The following L3MBTL3 variants were observed in gnomAD, a reference collection of about 807,000 sequenced individuals.
The protein encoded by L3MBTL3 is L3MBTL histone methyl-lysine binding protein 3, also known as lethal(3)malignant brain tumor-like protein 3.
L3MBTL3 carries 27 observed loss-of-function variants against 102.3 expected under a neutral mutation model. That is an observed-to-expected ratio of 0.26 (90% CI 0.19 to 0.36). The LOEUF (loss-of-function observed/expected upper bound fraction) is 0.36, where lower values mean the gene tolerates loss of function less well. L3MBTL3 is among the 10% of genes least tolerant of loss of function. The pLI is 1.00. For synonymous variants in L3MBTL3, 340 were observed against 320.9 expected (o/e 1.06, Z -0.64); for missense variants, 798 against 955.3 (o/e 0.84, Z 2.17).
intron 20 of L3MBTL3, among the ~76,000 whole-genome samples, chr6:130,124,398 A>G (rs1017469403): frequency 5.3e-5 from 8 of 152,154 alleles, no homozygotes; most frequent in African/African-American, 1.7e-4. Flanking sequence ...AAAACAAAAG[A>G]AACAAACCAA....
intron 22 of L3MBTL3, chr6:130,138,465 C>G (rs932383149): frequency 6.6e-6 from 1 of 152,230 alleles, no homozygotes; most frequent in African/African-American, 2.4e-5. Flanking sequence ...TGCCTTCCCT[C>G]TATATGTGTC....
rs1344910079 is a variant in L3MBTL3 at position 130,028,231 on chromosome 6, A to G, written c.-16+5926A>G. Among the ~76,000 whole-genome samples the G allele has an allele frequency of 3.9e-5, 6 of 152,300 alleles. No individual in the cohort carries two copies. In the East Asian group the frequency reaches 1.2e-3, roughly 29 times the overall value. Reference sequence around the variant, plus strand: ...TTTGTAAAGGTTACCTTTGGTGACTACCCTTTCTTTGCACATGATCTCCAT... The same window carrying G: ...TTTGTAAAGGTTACCTTTGGTGACTGCCCTTTCTTTGCACATGATCTCCAT... On this transcript the variant is annotated intron_variant, in intron 2 of 22. Transcript: ENST00000361794.
intron 8 of L3MBTL3, 95 bp downstream of exon 8, chr6:130,055,350 C>T (rs960538733): frequency 1.2e-6 from 1 of 846,508 alleles, no homozygotes; most frequent in Non-Finnish European, 1.9e-6. Context: ...TAAAGTATTA[C>T]TTCAGGATTT....
At chr6:130,129,593 G>A (rs1303921966) in intron 20 of L3MBTL3, among the ~76,000 whole-genome samples, 2 of 152,192 alleles carry the variant, frequency 1.3e-5, no homozygotes, top group Non-Finnish European at 2.9e-5. Flanking sequence ...AGTGGGGCAA[G>A]TGAGAAAAGA....
chr6:130,031,815 A>G (rs1026166867), intron 2 of L3MBTL3, among the ~76,000 whole-genome samples: 6 of 152,090 alleles, frequency 3.9e-5, no homozygotes, highest in Non-Finnish European at 8.8e-5. Context: ...TGTAAATATG[A>G]GGAATTATTA....
chr6:130,044,435 A>C lies in L3MBTL3; in HGVS notation c.102+1634A>C, dbSNP rs568651677. Among the ~76,000 whole-genome samples, 9 of 152,188 alleles carry C rather than the reference A, an allele frequency of 5.9e-5. No individual in the cohort carries two copies. In the East Asian group the frequency reaches 9.7e-4, roughly 16 times the overall value. On this transcript the variant is annotated intron_variant, in intron 3 of 22. Transcript: ENST00000361794. The stretch of plus-strand genomic sequence containing the variant: ...TGTCACGTGGATGATGAAATTTGTA[A>C]ATTTTTTTCAGTTAGCTTTTAACAA...
chr6:130,033,340 T>A (rs1034413092), intron 2 of L3MBTL3, among the ~76,000 whole-genome samples: 3 of 152,118 alleles, frequency 2.0e-5, no homozygotes, highest in African/African-American at 7.2e-5. Context: ...GCACCAAGTT[T>A]GACAGTTAAC....
At chr6:130,118,569 C>T (rs1031473199) in intron 19 of L3MBTL3, among the ~76,000 whole-genome samples, 6 of 152,272 alleles carry the variant, frequency 3.9e-5, no homozygotes, top group Admixed American at 2.0e-4. Context: ...GGGGTATAGG[C>T]GCTTTTAATT....
chr6:130,063,277 A>G (rs1269150510), intron 10 of L3MBTL3, among the ~76,000 whole-genome samples: 3 of 152,152 alleles, frequency 2.0e-5, no homozygotes, highest in Non-Finnish European at 4.4e-5. Context: ...TTGGGTTAGA[A>G]GGCAAATTAC....
chr6:130,078,680 A>C (rs777334924), intron 14 of L3MBTL3, 46 bp downstream of exon 14: 14 of 1,305,566 alleles, frequency 1.1e-5, no homozygotes, highest in Non-Finnish European at 1.5e-5. Context: ...AGACTTCAAG[A>C]GTAGGCAGAC....
chr6:130,092,899 C>T (rs1337633502), intron 17 of L3MBTL3, 40 bp downstream of exon 17: 1 of 1,191,892 alleles, frequency 8.4e-7, no homozygotes, highest in African/African-American at 1.5e-5. Flanking sequence ...TTTCCATTTC[C>T]ATATGTAGCA....
Position 130,024,411 on chromosome 6 carries a change from C to G in L3MBTL3, c.-16+2106C>G, listed in dbSNP as rs139302058. 4.6e-5 allele frequency among the ~76,000 whole-genome samples: 7 copies of G among 152,278 alleles called. No individual in the cohort carries two copies. In the East Asian group the frequency reaches 1.3e-3, roughly 29 times the overall value. ...GTTTTAGTTTTACTTCATCTCCACT[C>G]TTTGGAGATTATCCAATCAATGTTC... On this transcript the variant is annotated intron_variant, in intron 2 of 22. Transcript: ENST00000361794.
chr6:130,032,945 A>G (rs561386447), intron 2 of L3MBTL3, among the ~76,000 whole-genome samples: 28 of 152,322 alleles, frequency 1.8e-4, no homozygotes, highest in African/African-American at 6.5e-4. Context: ...GTGATCCATG[A>G]TTGCACCACT....
chr6:130,055,353 C>T, intron 8 of L3MBTL3, 98 bp downstream of exon 8: 2 of 829,072 alleles, frequency 2.4e-6, no homozygotes, highest in Non-Finnish European at 3.8e-6. Context: ...AGTATTACTT[C>T]AGGATTTTCT....
At position 130,141,225 on chromosome 6, in the gene L3MBTL3, T is replaced by G. The variant is rs961073982; in HGVS notation, c.*1472T>G. 6.6e-6 allele frequency: 1 copy of G among 152,224 alleles called. No homozygotes were observed. The highest frequency in any genetic ancestry group is 2.4e-5 in the African/African-American group (1 of 41,470). 9.4% of individuals were successfully genotyped at this position (152,224 alleles called of 1,614,324 possible). On this transcript the variant is annotated 3_prime_UTR_variant, in exon 23 of 23. Coordinates refer to ENST00000361794, the MANE Select transcript of L3MBTL3 (RefSeq NM_032438.4). ...TTATGATGTAGGACTTCCTTTGATA[T>G]CCCTGTTGGAAGTCCATTAGCAGTC...
chr6:130,124,417 T>G (rs1185651213), intron 20 of L3MBTL3, among the ~76,000 whole-genome samples: 1 of 152,184 alleles, frequency 6.6e-6, no homozygotes, highest in Non-Finnish European at 1.5e-5. Flanking sequence ...AAAATATCCC[T>G]TTATGTGAGA....
At chr6:130,061,851 A>C (rs1288481964) in intron 10 of L3MBTL3, among the ~76,000 whole-genome samples, 3 of 152,138 alleles carry the variant, frequency 2.0e-5, no homozygotes, top group Non-Finnish European at 4.4e-5. Context: ...CGAGAGACAG[A>C]GAAAGGAACC....
At chr6:130,075,268 G>A (rs1403513105) in intron 13 of L3MBTL3, among the ~76,000 whole-genome samples, 13 of 152,186 alleles carry the variant, frequency 8.5e-5, no homozygotes, top group South Asian at 4.2e-4. Context: ...GCACTTGGAG[G>A]GAAGGACTGA....
In L3MBTL3 at chr6:130,139,809, A is replaced by G; in HGVS notation, c.*56A>G. 1 of 1,554,212 alleles carries G rather than the reference A, an allele frequency of 6.4e-7. No individual in the cohort carries two copies. The highest frequency in any genetic ancestry group is 8.8e-7 in the Non-Finnish European group (1 of 1,134,500). Reference sequence around the variant, plus strand: ...CTGCTTTAAAGCTCATGTTTTATTCAAAGCACAAGGACGGTTATAACTCCT... The same window carrying G: ...CTGCTTTAAAGCTCATGTTTTATTCGAAGCACAAGGACGGTTATAACTCCT... On this transcript the variant is annotated 3_prime_UTR_variant, in exon 23 of 23. Coordinates refer to ENST00000361794, the MANE Select transcript of L3MBTL3 (RefSeq NM_032438.4).
Sources: gnomAD v4.1 joint callset for allele counts (sites outside exome capture counted in the v4.1 genomes callset) on GRCh38, gnomAD v4.1.1 for gene constraint, MANE v1.5 for transcripts, NCBI Gene and HGNC (gene_info 2026-07-23, HGNC 2026-07-21) for gene names.